Variants in SBK3 observed in about 807,000 individuals in gnomAD.
SBK3 encodes uncharacterized serine/threonine-protein kinase SBK3.
A neutral mutation model predicts 12.7 loss-of-function variants in SBK3; 16 were observed. The observed-to-expected ratio is 1.26, with a 90% CI of 0.86 to 1.92. SBK3 has a LOEUF of 1.92. Ranked by LOEUF, SBK3 falls within the 40% of genes most tolerant of loss-of-function variation. The probability of loss-of-function intolerance (pLI) is 0.00; values close to 1 mark genes in which losing one functional copy is unlikely to be tolerated. For missense variants in SBK3, 462 were observed against 481.8 expected, an observed-to-expected ratio of 0.96 and a Z score of 0.38; for synonymous variants, 217 against 213.6, an observed-to-expected ratio of 1.02 and a Z score of -0.14.
At chr19:55,542,742 A>G (rs1376508471) in intron 3 of SBK3, among the ~76,000 whole-genome samples, 18 of 139,470 alleles carry the variant, frequency 1.3e-4, no homozygotes, top group Non-Finnish European at 2.1e-4. Flanking sequence ...TCATCCATCC[A>G]TTCACTCACC....
rs548348923 is a variant in SBK3 at position 55,541,279 on chromosome 19, G to A, written c.647C>T (p.Thr216Ile). The A allele has an allele frequency of 1.3e-6, 2 of 1,535,848 alleles. No homozygotes were observed. Among genetic ancestry groups the A allele is most frequent in the Non-Finnish European group, 1.7e-6 (2 of 1,146,806 alleles). The change falls in exon 4 of 4, where the codon ACC (threonine) becomes ATC (isoleucine). Residue 216 changes from threonine to isoleucine, a missense_variant. Transcript: ENST00000612221. This position sits in a 1 kb window ranked among gnomAD's most constrained non-coding sequence, Gnocchi z 5.3. ...PELCLLLPPD[T>I]LPLRPAVDSW... ...GTCCACGGCTGGCCGCAGAGGCAGGGTGTCGGGCGGTAGCAGGAGACAGAG... is the reference window on the plus strand; with the variant it reads ...GTCCACGGCTGGCCGCAGAGGCAGGATGTCGGGCGGTAGCAGGAGACAGAG...
chr19:55,544,228 C>A lies in SBK3; in HGVS notation c.271G>T (p.Gly91Cys), dbSNP rs1466301966. ...RSTFLREFCV[G>C]RCVSAHPGLL... ...CCTGGGTGTGCAGAGACGCAGCGGC[C>A]CACACAGAACTCCCTCAGGAAGGTG... The change falls in exon 3 of 4, where the codon GGC becomes TGC. Residue 91 changes from glycine (G) to cysteine (C), a missense_variant. Physicochemically the swap from Gly to Cys is radical, Grantham distance 159 (BLOSUM62 -3). Coordinates refer to ENST00000612221, the MANE Select transcript of SBK3 (RefSeq NM_001199824.2). 6.5e-7 allele frequency: 1 copy of A among 1,536,014 alleles called. No homozygotes were observed. The highest frequency in any genetic ancestry group is 1.2e-5 in the South Asian group (1 of 84,052).
At chr19:55,542,879 C>G (rs1264832485) in intron 3 of SBK3, among the ~76,000 whole-genome samples, 2 of 148,590 alleles carry the variant, frequency 1.3e-5, no homozygotes, top group Non-Finnish European at 3.0e-5. Flanking sequence ...CATCCATCCA[C>G]CCACCAATCC....
Position 55,541,396 on chromosome 19 carries a change from C to T in SBK3, c.530G>A (p.Ser177Asn), listed in dbSNP as rs1255568649. The T allele has an allele frequency of 6.5e-7, 1 of 1,535,830 alleles. No individual in the cohort carries two copies. Among genetic ancestry groups the T allele is most frequent in the South Asian group, 1.2e-5 (1 of 84,060 alleles). ...DNVLVFDPVCSRVALGDLGLT... is the reference protein window; with the variant it reads ...DNVLVFDPVCNRVALGDLGLT... ...ACCCAGGTCTCCCAGGGCCACACGGCTGCAGACCGGGTCGAAGACCAGCAC... is the reference window on the plus strand; with the variant it reads ...ACCCAGGTCTCCCAGGGCCACACGGTTGCAGACCGGGTCGAAGACCAGCAC... Residue 177 changes from serine (S) to asparagine (N), a missense_variant, in exon 4 of 4, where the codon AGC (serine) becomes AAC (asparagine). Coordinates refer to ENST00000612221, the MANE Select transcript of SBK3 (RefSeq NM_001199824.2). This position sits in a 1 kb window ranked among gnomAD's most constrained non-coding sequence, Gnocchi z 5.3.
Position 55,544,871 on chromosome 19 carries a change from G to A in SBK3, c.124C>T (p.Gln42Ter), listed in dbSNP as rs1475719146. Residue 42 changes from glutamine to a stop codon, truncating the protein, a stop_gained, in exon 2 of 4, where the codon CAG becomes TAG. Coordinates refer to ENST00000612221, the MANE Select transcript of SBK3 (RefSeq NM_001199824.2). LOFTEE classifies it high-confidence loss of function. ...RVTPVRSLRD[Q>*]YHLIRKLGSG... ...CCCAGCTTCCGGATGAGGTGGTACT[G>A]GTCCCGAAGGCTCCTCACCGGGGTC... 8 of 1,534,278 alleles carry A rather than the reference G, an allele frequency of 5.2e-6. No individual in the cohort carries two copies. Among genetic ancestry groups the A allele is most frequent in the Admixed American group, 2.0e-5 (1 of 50,930 alleles).
Position 55,541,009 on chromosome 19 carries a change from TC to T in SBK3, c.916del (p.Asp306ThrfsTer?). 6.5e-7 allele frequency: 1 copy of T among 1,535,714 alleles called. No individual in the cohort carries two copies. Among genetic ancestry groups the T allele is most frequent in the Non-Finnish European group, 8.7e-7 (1 of 1,146,762 alleles). On this transcript the variant is annotated frameshift_variant, in exon 4 of 4. Coordinates refer to ENST00000612221, the MANE Select transcript of SBK3 (RefSeq NM_001199824.2). LOFTEE classifies it low-confidence loss of function (END_TRUNC). The surrounding 1 kb of genome is among the most constrained non-coding windows in gnomAD (Gnocchi z 5.3). ...PPLAVLDFLG[D>X]DWGLQGNREG... Reference sequence around the variant, plus strand: ...TCTGTTCCCTTGCAACCCCCAGTCGTCCCCCAGGAAGTCCAGGACAGCCAGT... The same window carrying T: ...TCTGTTCCCTTGCAACCCCCAGTCGTCCCCAGGAAGTCCAGGACAGCCAGT...
In SBK3 at chr19:55,540,946, T is replaced by G; in HGVS notation, c.980A>C (p.Glu327Ala). 1 of 1,536,020 alleles carries G rather than the reference T, an allele frequency of 6.5e-7. No individual in the cohort carries two copies. The highest frequency in any genetic ancestry group is 8.7e-7 in the Non-Finnish European group (1 of 1,146,824). The change falls in exon 4 of 4, where the codon GAG (glutamate) becomes GCG (alanine). Residue 327 changes from glutamate (E) to alanine (A), a missense_variant. By Grantham distance (107) the Glu-to-Ala change is moderately radical. Transcript: ENST00000612221. ...PGVLGSAVSY[E>A]DREEGGSSLE... is the part of the protein sequence containing the mutation. ...GCTTGAGCCTCCCTCCTCCCTGTCC[T>G]CATAGGACACGGCGCTCCCCAAAAC...
At position 55,544,104 on chromosome 19, in the gene SBK3, TC is replaced by T; in HGVS notation, c.394del (p.Glu132LysfsTer9). 1 of 1,486,624 alleles carries T rather than the reference TC, an allele frequency of 6.7e-7. No individual in the cohort carries two copies. The highest frequency in any genetic ancestry group is 1.7e-4 in the Middle Eastern group (1 of 5,754). 92.1% of individuals were successfully genotyped at this position (1,486,624 alleles called of 1,614,324 possible). Reference protein sequence around the residue: ...PCGDLSGMLQERGLPELLVKR... With the variant: ...PCGDLSGMLQXRGLPELLVKR... ...CTTTGTCCCTCGTGGCCTCACCCTT[TC>T]CTGCAGCATCCCGCTGAGGTCCCCA... is the stretch of plus-strand genomic sequence containing the variant. On this transcript the variant is annotated frameshift_variant, in exon 3 of 4. Transcript: ENST00000612221. LOFTEE classifies it low-confidence loss of function (END_TRUNC).
At chr19:55,543,849 C>T (rs1988614171) in intron 3 of SBK3, among the ~76,000 whole-genome samples, 1 of 152,100 alleles carries the variant, frequency 6.6e-6, no homozygotes, top group Non-Finnish European at 1.5e-5. Flanking sequence ...TCATTGACTC[C>T]AGTCCATCCT....
At chr19:55,543,369 CATCT>C (rs1230189062) in intron 3 of SBK3, among the ~76,000 whole-genome samples, 3 of 144,230 alleles carry the variant, frequency 2.1e-5, no homozygotes, top group East Asian at 2.1e-4. Context: ...CCCACCCATC[CATCT>C]ACCAGTCCTT....
In SBK3 at chr19:55,540,871, G is replaced by A. The variant is rs758417683; in HGVS notation, c.1055C>T (p.Thr352Met). The change falls in exon 4 of 4, where the codon ACG becomes ATG. Residue 352 changes from threonine (T) to methionine (M), a missense_variant. Transcript: ENST00000612221. ...EGDDSKSGGR[T>M]GTDGGAP Reference sequence around the variant, plus strand: ...TCAGGGAGCTCCCCCATCTGTCCCCGTCCTCCCACCACTTTTGCTGTCATC... The same window carrying A: ...TCAGGGAGCTCCCCCATCTGTCCCCATCCTCCCACCACTTTTGCTGTCATC... 62 of 1,535,958 alleles carry A rather than the reference G, an allele frequency of 4.0e-5. No individual in the cohort carries two copies. The highest frequency in any genetic ancestry group is 4.0e-4 in the African/African-American group (29 of 73,094).
Position 55,545,525 on chromosome 19 carries a change from C to G in SBK3, c.19G>C (p.Glu7Gln). MERRASETPEDGDPEED... is the reference protein window; with the variant it reads MERRASQTPEDGDPEED... ...TCTGGGTCCCCATCCTCAGGGGTCT[C>G]GGAGGCCCTGCGCTCCATCTCAGGG... Residue 7 changes from glutamate (E) to glutamine (Q), a missense_variant, in exon 1 of 4, where the codon GAG (glutamate) becomes CAG (glutamine). Coordinates refer to ENST00000612221, the MANE Select transcript of SBK3 (RefSeq NM_001199824.2). The surrounding 1 kb of genome is among the most constrained non-coding windows in gnomAD (Gnocchi z 4.4). The G allele has an allele frequency of 6.5e-7, 1 of 1,534,954 alleles. No individual in the cohort carries two copies. Among genetic ancestry groups the G allele is most frequent in the Non-Finnish European group, 8.7e-7 (1 of 1,146,270 alleles).
Position 55,540,922 on chromosome 19 carries a change from C to T in SBK3, c.1004G>A (p.Ser335Asn). 1 of 1,536,194 alleles carries T rather than the reference C, an allele frequency of 6.5e-7. No homozygotes were observed. The highest frequency in any genetic ancestry group is 8.7e-7 in the Non-Finnish European group (1 of 1,146,912). Residue 335 changes from serine (S) to asparagine (N), a missense_variant, in exon 4 of 4, where the codon AGC (serine) becomes AAC (asparagine). By Grantham distance (46) the Ser-to-Asn change is conservative (BLOSUM62 1). Coordinates refer to ENST00000612221, the MANE Select transcript of SBK3 (RefSeq NM_001199824.2). ...SYEDREEGGSSLEEWTDEGDD... is the reference protein window; with the variant it reads ...SYEDREEGGSNLEEWTDEGDD... ...ACCCTCATCTGTCCACTCCTCCAGG[C>T]TTGAGCCTCCCTCCTCCCTGTCCTC...
chr19:55,541,612 TC>T lies in SBK3; in HGVS notation c.400-87del, dbSNP rs1431236091. 4 of 1,118,748 alleles carry T rather than the reference TC, an allele frequency of 3.6e-6. No homozygotes were observed. In the African/African-American group the frequency reaches 6.3e-5, roughly 18 times the overall value. The allele number at this position is 1,118,748 out of a possible 1,614,324, so 69.3% of individuals were successfully genotyped here. On this transcript the variant is annotated intron_variant, in intron 3 of 3. Transcript: ENST00000612221. This position sits in a 1 kb window ranked among gnomAD's most constrained non-coding sequence, Gnocchi z 5.3. ...CCAGGCTGGTCTCAAACTCCTGGCC[TC>T]AAGCGATCCTCCTGCCTTGGCCTCC...
chr19:55,545,496 C>T lies in SBK3; in HGVS notation c.45+3G>A. ...TCTTCCTCCCCTGGCTCCCGTCTCT[C>T]ACCTCTGGGTCCCCATCCTCAGGGG... On this transcript the variant is annotated splice_donor_region_variant and intron_variant, in intron 1 of 3. Coordinates refer to ENST00000612221, the MANE Select transcript of SBK3 (RefSeq NM_001199824.2). This position sits in a 1 kb window ranked among gnomAD's most constrained non-coding sequence, Gnocchi z 4.4. The T allele has an allele frequency of 6.5e-7, 1 of 1,533,626 alleles. No individual in the cohort carries two copies. Among genetic ancestry groups the T allele is most frequent in the Middle Eastern group, 1.7e-4 (1 of 5,974 alleles).
At position 55,545,484 on chromosome 19, in the gene SBK3, GCTCCCGTCT is replaced by G; in HGVS notation, c.45+6_45+14del. On this transcript the variant is annotated splice_donor_region_variant and intron_variant, in intron 1 of 3. Transcript: ENST00000612221. The surrounding 1 kb of genome is among the most constrained non-coding windows in gnomAD (Gnocchi z 4.4). The stretch of plus-strand genomic sequence containing the variant: ...TTTCTCTCTCTGTCTTCCTCCCCTG[GCTCCCGTCT>G]CTCACCTCTGGGTCCCCATCCTCAG... 1 of 1,522,630 alleles carries G rather than the reference GCTCCCGTCT, an allele frequency of 6.6e-7. No homozygotes were observed. Among genetic ancestry groups the G allele is most frequent in the Non-Finnish European group, 8.8e-7 (1 of 1,136,480 alleles). The allele number at this position is 1,522,630 out of a possible 1,614,324, so 94.3% of individuals were successfully genotyped here. A position where few individuals can be genotyped will look rare whatever the true frequency, so the allele number is the denominator to read the frequency against.
Position 55,541,290 on chromosome 19 carries a change from T to C in SBK3, c.636A>G (p.Leu212=). 1.3e-6 allele frequency: 2 copies of C among 1,535,698 alleles called. No individual in the cohort carries two copies. The highest frequency in any genetic ancestry group is 1.7e-6 in the Non-Finnish European group (2 of 1,146,756). Residue 212 remains leucine (L), a synonymous_variant, in exon 4 of 4, where the codon CTA becomes CTG. Transcript: ENST00000612221. The surrounding 1 kb of genome is among the most constrained non-coding windows in gnomAD (Gnocchi z 5.3). ...PTAPPELCLL[L]PPDTLPLRPA... ...GCCGCAGAGGCAGGGTGTCGGGCGG[T>C]AGCAGGAGACAGAGCTCAGGCGGTG...
Position 55,541,374 on chromosome 19 carries a change from C to T in SBK3, c.552G>A (p.Leu184=). 2 of 1,535,732 alleles carry T rather than the reference C, an allele frequency of 1.3e-6. No individual in the cohort carries two copies. Among genetic ancestry groups the T allele is most frequent in the East Asian group, 2.4e-5 (1 of 40,914 alleles). The change falls in exon 4 of 4, where the codon CTG becomes CTA. Residue 184 remains leucine, a synonymous_variant. Coordinates refer to ENST00000612221, the MANE Select transcript of SBK3 (RefSeq NM_001199824.2). The surrounding 1 kb of genome is among the most constrained non-coding windows in gnomAD (Gnocchi z 5.3). ...GGCTGCCCTCTGGCCGGGTCAGACC[C>T]AGGTCTCCCAGGGCCACACGGCTGC... ...PVCSRVALGD[L]GLTRPEGSPT...
In SBK3 at chr19:55,545,125, T is replaced by C; in HGVS notation, c.46-176A>G. On this transcript the variant is annotated intron_variant, in intron 1 of 3. Transcript: ENST00000612221. The surrounding 1 kb of genome is among the most constrained non-coding windows in gnomAD (Gnocchi z 4.4). ...CCCGGACTCGGGCCACCTGTTTTTG[T>C]GTCCTGGAGAGGTTAGGGGTCACTG... is the stretch of plus-strand genomic sequence containing the variant. 1 of 597,686 alleles carries C rather than the reference T, an allele frequency of 1.7e-6. No homozygotes were observed. The allele number at this position is 597,686 out of a possible 1,614,324, so 37.0% of individuals were successfully genotyped here.
Sources: allele counts gnomAD v4.1 joint callset (sites outside exome capture counted in the v4.1 genomes callset), GRCh38; gene constraint gnomAD v4.1.1; non-coding constraint Gnocchi (gnomAD v3.1); transcripts MANE v1.5; gene names NCBI Gene and HGNC (gene_info 2026-07-23, HGNC 2026-07-21).